The following LRP1B variants were observed in gnomAD, a reference collection of about 807,000 sequenced individuals.
LRP1B encodes the protein LDL receptor related protein 1B, also known as low-density lipoprotein receptor-related protein 1B.
Under a neutral mutation model 556.6 loss-of-function variants are expected in LRP1B, and 217 were observed. That is an observed-to-expected ratio of 0.39 (90% CI 0.35 to 0.44). The LOEUF (loss-of-function observed/expected upper bound fraction) is 0.44. Ranked by LOEUF, LRP1B falls within the 20% of genes least tolerant of loss-of-function variation. The pLI, the probability that LRP1B is intolerant of heterozygous loss-of-function variation, is 1.00. For synonymous variants in LRP1B, 2,047 were observed against 1,865.8 expected (o/e 1.10, Z -2.50); for missense variants, 5,053 against 5,620.8 (o/e 0.90, Z 3.23).
At chr2:141,961,426 A>G (rs1701401668) in intron 1 of LRP1B, among the ~76,000 whole-genome samples, 1 of 151,734 alleles carries the variant, frequency 6.6e-6, no homozygotes, top group South Asian at 2.1e-4. Context: ...TTCCTTTTGA[A>G]AATGTTATAA....
chr2:141,084,668 C>G (rs1296096264), intron 7 of LRP1B, among the ~76,000 whole-genome samples: 5 of 101,444 alleles, frequency 4.9e-5, no homozygotes, highest in East Asian at 3.3e-4. Context: ...TTTTTTTTTT[C>G]AGACGGAGTC....
chr2:142,040,970 C>T (rs1483050525), intron 1 of LRP1B, among the ~76,000 whole-genome samples: 1 of 151,362 alleles, frequency 6.6e-6, no homozygotes, highest in Non-Finnish European at 1.5e-5. Context: ...TGGCTATTCT[C>T]TCTGGCACTA....
Position 140,485,562 on chromosome 2 carries a change from C to A in LRP1B, c.9244-38G>T, listed in dbSNP as rs1446414921. 12 of 1,496,710 alleles carry A rather than the reference C, an allele frequency of 8.0e-6. No individual in the cohort carries two copies. In the East Asian group the frequency reaches 2.1e-4, roughly 26 times the overall value. The allele number at this position is 1,496,710 out of a possible 1,614,324, so 92.7% of individuals were successfully genotyped here. ...AATTTAAAAGGTTAACAGCGTAAAT[C>A]CCTAAAATAAGAAGTGAGCAATTGC... is the stretch of plus-strand genomic sequence containing the variant. On this transcript the variant is annotated intron_variant, in intron 58 of 90. Coordinates refer to ENST00000389484, the MANE Select transcript of LRP1B (RefSeq NM_018557.3).
At chr2:141,780,793 T>C (rs559242950) in intron 2 of LRP1B, among the ~76,000 whole-genome samples, 1 of 152,310 alleles carries the variant, frequency 6.6e-6, no homozygotes, top group African/African-American at 2.4e-5. Context: ...AAATGAAATA[T>C]CCCTAGACTT....
In LRP1B at chr2:140,502,971, T is replaced by C. The variant is rs1400027855; in HGVS notation, c.8654A>G (p.Lys2885Arg). Residue 2885 changes from lysine (K) to arginine (R), a missense_variant, in exon 54 of 91, where the codon AAA becomes AGA. Around this residue, in one of 5 missense-constraint regions of LRP1B, gnomAD observed 3,619 missense variants for 3,931.9 expected, o/e 0.92. Transcript: ENST00000389484. ...TGTATATATTTCTGTACCTGCACTT[T>C]TACACTTTGGGTTTAAAGGTGCTTC... ...SDEAPLNPKC[K>R]SAEQSCNSSF... The C allele has an allele frequency of 6.8e-6, 11 of 1,612,934 alleles. No homozygotes were observed. In the African/African-American group the frequency reaches 1.2e-4, roughly 18 times the overall value.
chr2:141,388,239 C>A (rs1379490767), intron 3 of LRP1B, among the ~76,000 whole-genome samples: 1 of 152,010 alleles, frequency 6.6e-6, no homozygotes, highest in Non-Finnish European at 1.5e-5. Flanking sequence ...AGTTTGAGAC[C>A]AGCCTGGCCA....
At chr2:141,876,250 A>G (rs1698755117) in intron 1 of LRP1B, among the ~76,000 whole-genome samples, 1 of 151,992 alleles carries the variant, frequency 6.6e-6, no homozygotes, top group South Asian at 2.1e-4. Flanking sequence ...ATTATAGGTC[A>G]TTTCCAAATA....
intron 7 of LRP1B, among the ~76,000 whole-genome samples, chr2:141,124,950 T>C (rs1319803837): frequency 3.3e-5 from 5 of 152,144 alleles, no homozygotes; most frequent in African/African-American, 9.7e-5. Context: ...ACCTTTCCCT[T>C]TGTGGTGTGT....
chr2:140,819,059 G>T (rs1028328940), intron 31 of LRP1B, among the ~76,000 whole-genome samples: 1 of 151,816 alleles, frequency 6.6e-6, no homozygotes, highest in Admixed American at 6.6e-5. Flanking sequence ...GCCTTCAGTC[G>T]CCTTGTCTAA....
chr2:141,777,171 A>C (rs1422895577), intron 2 of LRP1B, among the ~76,000 whole-genome samples: 1 of 152,198 alleles, frequency 6.6e-6, no homozygotes, highest in Non-Finnish European at 1.5e-5. Context: ...CAAACAGTAC[A>C]GATATGGTGA....
intron 3 of LRP1B, among the ~76,000 whole-genome samples, chr2:141,322,484 A>G (rs1285749384): frequency 6.6e-6 from 1 of 152,042 alleles, no homozygotes; most frequent in Non-Finnish European, 1.5e-5. Flanking sequence ...AAAAACTGAA[A>G]GCAGAGAAGA....
chr2:141,115,204 A>G (rs931604108), intron 7 of LRP1B, among the ~76,000 whole-genome samples: 18 of 151,756 alleles, frequency 1.2e-4, no homozygotes, highest in African/African-American at 4.1e-4. Flanking sequence ...ACTCGAAGCC[A>G]TATCTTAAAC....
chr2:141,939,774 A>C lies in LRP1B; in HGVS notation c.83-129373T>G, dbSNP rs188863366. Reference sequence around the variant, plus strand: ...GTCATGTTAATATATTGAAATCAGCATTGTTAGGTGGATTTACACCATTGA... The same window carrying C: ...GTCATGTTAATATATTGAAATCAGCCTTGTTAGGTGGATTTACACCATTGA... On this transcript the variant is annotated intron_variant, in intron 1 of 90. Coordinates refer to ENST00000389484, the MANE Select transcript of LRP1B (RefSeq NM_018557.3). 4.6e-5 allele frequency among the ~76,000 whole-genome samples: 7 copies of C among 152,190 alleles called. No homozygotes were observed. The East Asian group carries it at 1.4e-3, about 29-fold the overall frequency.
chr2:140,736,953 C>T (rs1035594671), intron 35 of LRP1B, among the ~76,000 whole-genome samples: 1 of 152,106 alleles, frequency 6.6e-6, no homozygotes, highest in Admixed American at 6.6e-5. Context: ...GAGGCTTGAC[C>T]TGAAGGAATT....
At chr2:140,764,666 T>C (rs1038049054) in intron 35 of LRP1B, among the ~76,000 whole-genome samples, 1 of 152,168 alleles carries the variant, frequency 6.6e-6, no homozygotes, top group Admixed American at 6.6e-5. Flanking sequence ...CACAGCAGAA[T>C]TGATCAGAAA....
intron 1 of LRP1B, among the ~76,000 whole-genome samples, chr2:141,980,706 A>G (rs1469299014): frequency 6.6e-6 from 1 of 152,168 alleles, no homozygotes; most frequent in Non-Finnish European, 1.5e-5. Flanking sequence ...GCACTGTCCA[A>G]TGTGGAAGTT....
chr2:140,237,530 T>C (rs1169460675), intron 89 of LRP1B, among the ~76,000 whole-genome samples: 1 of 150,844 alleles, frequency 6.6e-6, no homozygotes, highest in Non-Finnish European at 1.5e-5. Context: ...AAGGATTCCA[T>C]GTCTGAAGTG....
At chr2:141,644,729 TCA>T (rs3039268) in intron 2 of LRP1B, among the ~76,000 whole-genome samples, 9,695 of 141,514 alleles carry the variant, frequency 0.069, 326 homozygotes, top group African/African-American at 0.091. Flanking sequence ...CAGTCATTGA[TCA>T]CACACACACA....
Position 141,054,082 on chromosome 2 carries a change from T to C in LRP1B, c.1552+1034A>G, listed in dbSNP as rs961866668. On this transcript the variant is annotated intron_variant, in intron 10 of 90. Transcript: ENST00000389484. Reference sequence around the variant, plus strand: ...GTACAAAAATGCATACATTTTAACATAGTTTGGACTCTTTGATTCTTCACT... The same window carrying C: ...GTACAAAAATGCATACATTTTAACACAGTTTGGACTCTTTGATTCTTCACT... Among the ~76,000 whole-genome samples, 7 of 152,036 alleles carry C rather than the reference T, an allele frequency of 4.6e-5. No homozygotes were observed. In the South Asian group the frequency reaches 1.0e-3, roughly 22 times the overall value.
Sources: allele counts gnomAD v4.1 joint callset (sites outside exome capture counted in the v4.1 genomes callset), GRCh38; gene constraint gnomAD v4.1.1; regional missense constraint gnomAD v4.1.1; transcripts MANE v1.5; gene names NCBI Gene and HGNC (gene_info 2026-07-23, HGNC 2026-07-21).